SLC9D1: variants seen among roughly 807,000 people sequenced by gnomAD.
SLC9D1 encodes the protein solute carrier family 9 member D1.
the SLC9D1 span, among the ~76,000 whole-genome samples, chr13:113,518,228 C>T: frequency 2.0e-5 from 3 of 152,076 alleles, no homozygotes; most frequent in South Asian, 2.1e-4. Context: ...GTTTTGTGCC[C>T]GTCACTACTC....
chr13:113,513,794 G>C, the SLC9D1 span, among the ~76,000 whole-genome samples: 61 of 152,230 alleles, frequency 4.0e-4, no homozygotes, highest in African/African-American at 1.3e-3. Context: ...AATCTGGCAG[G>C]AGTTTTCATG....
the SLC9D1 span, chr13:113,527,864 G>A: frequency 2.6e-5 from 4 of 152,188 alleles, no homozygotes; most frequent in Admixed American, 2.6e-4. Flanking sequence ...CCGTTTCTGT[G>A]TGTTCAGGCA....
chr13:113,509,565 C>G, the SLC9D1 span, among the ~76,000 whole-genome samples: 1 of 152,188 alleles, frequency 6.6e-6, no homozygotes, highest in African/African-American at 2.4e-5. Flanking sequence ...TTCTAGGGCC[C>G]CCACCCCAAC....
the SLC9D1 span, chr13:113,495,677 G>A: frequency 1.9e-6 from 3 of 1,611,088 alleles, no homozygotes; most frequent in South Asian, 1.1e-5. Flanking sequence ...CGCAGCGTGT[G>A]ATCAAACTGC....
chr13:113,543,106 CCTGCCCCCA>C, the SLC9D1 span, among the ~76,000 whole-genome samples: 5 of 111,240 alleles, frequency 4.5e-5, no homozygotes, highest in Admixed American at 2.9e-4. Flanking sequence ...ACCTCCTCCC[CCTGCCCCCA>C]GCCCTCCCTG....
chr13:113,544,738 T>C, the SLC9D1 span, among the ~76,000 whole-genome samples: 1 of 152,230 alleles, frequency 6.6e-6, no homozygotes, highest in African/African-American at 2.4e-5. Flanking sequence ...CGCCATGGCC[T>C]GCGCGGAGAG....
chr13:113,507,062 C>T, the SLC9D1 span, among the ~76,000 whole-genome samples: 2 of 152,062 alleles, frequency 1.3e-5, no homozygotes, highest in Non-Finnish European at 2.9e-5. Flanking sequence ...TGTGAAACTC[C>T]TTGCTGACAT....
the SLC9D1 span, chr13:113,520,501 A>AAAAAC: frequency 1.4e-6 from 1 of 735,372 alleles, no homozygotes. Flanking sequence ...AAAAAAAAAA[A>AAAAAC]AGTAAAGTGC....
the SLC9D1 span, among the ~76,000 whole-genome samples, chr13:113,500,900 C>T: frequency 6.6e-6 from 1 of 152,198 alleles, no homozygotes; most frequent in African/African-American, 2.4e-5. Context: ...TGCCGAGTGA[C>T]TCTGTCAGTG....
chr13:113,519,902 C>A, the SLC9D1 span, among the ~76,000 whole-genome samples: 1 of 152,344 alleles, frequency 6.6e-6, no homozygotes, highest in East Asian at 1.9e-4. Flanking sequence ...GAACACACCA[C>A]GTGACCAGAG....
chr13:113,536,524 AT>A, the SLC9D1 span: 1 of 972,780 alleles, frequency 1.0e-6, no homozygotes, highest in Non-Finnish European at 1.2e-6. Flanking sequence ...ATTCCAGAGT[AT>A]TTTTCTCTTT....
the SLC9D1 span, chr13:113,548,532 G>A: frequency 1.3e-6 from 2 of 1,485,188 alleles, no homozygotes; most frequent in Admixed American, 2.1e-5. Flanking sequence ...GGCGAAGGCG[G>A]CTCGGCAGCA....
chr13:113,509,020 G>T, the SLC9D1 span, among the ~76,000 whole-genome samples: 1 of 149,584 alleles, frequency 6.7e-6, no homozygotes, highest in Non-Finnish European at 1.5e-5. Context: ...GGACTGGCGG[G>T]CTTGGCGGGT....
At chr13:113,509,367 T>C in the SLC9D1 span, among the ~76,000 whole-genome samples, 9,214 of 102,304 alleles carry the variant, frequency 0.09, 539 homozygotes, top group East Asian at 0.21. Context: ...TTGGGGCTGG[T>C]GGGCTTGGTG....
chr13:113,509,252 C>T, the SLC9D1 span, among the ~76,000 whole-genome samples: 1 of 145,330 alleles, frequency 6.9e-6, no homozygotes, highest in East Asian at 2.1e-4. Flanking sequence ...CCTGGCGCTG[C>T]CTGTCTATGT....
the SLC9D1 span, chr13:113,549,742 T>A: frequency 1.4e-6 from 1 of 735,150 alleles, no homozygotes; most frequent in South Asian, 1.5e-5. Flanking sequence ...ATTTGCAGTC[T>A]GTTGATTATG....
the SLC9D1 span, among the ~76,000 whole-genome samples, chr13:113,542,420 GT>G: frequency 6.6e-6 from 1 of 152,210 alleles, no homozygotes; most frequent in Non-Finnish European, 1.5e-5. Context: ...TGTGCTCTCA[GT>G]GGGCATTGAA....
At chr13:113,521,518 T>C in the SLC9D1 span, among the ~76,000 whole-genome samples, 1 of 152,044 alleles carries the variant, frequency 6.6e-6, no homozygotes, top group African/African-American at 2.4e-5. Context: ...TCTGCGTGCA[T>C]GTGTGTCTGC....
At chr13:113,532,554 C>A in the SLC9D1 span, among the ~76,000 whole-genome samples, 1 of 152,058 alleles carries the variant, frequency 6.6e-6, no homozygotes, top group Admixed American at 6.6e-5. Context: ...CAGGAGGAGG[C>A]CACTGGAGCT....
Sources: allele counts gnomAD v4.1 joint callset (sites outside exome capture counted in the v4.1 genomes callset), GRCh38; gene constraint gnomAD v4.1.1; transcripts MANE v1.5; gene names NCBI Gene and HGNC (gene_info 2026-07-23, HGNC 2026-07-21).